PCDH9: variants seen among roughly 807,000 people sequenced by gnomAD.
The protein encoded by PCDH9 is protocadherin 9.
A neutral mutation model predicts 70.6 loss-of-function variants in PCDH9; 24 were observed. That is an observed-to-expected ratio of 0.34 (90% confidence interval 0.25 to 0.48). PCDH9 has a LOEUF of 0.48. Ranked by LOEUF, PCDH9 falls within the 20% of genes least tolerant of loss-of-function variation. PCDH9 has a pLI of 0.99. For synonymous variants in PCDH9, 562 were observed against 558.5 expected (o/e 1.01, Z -0.09); for missense variants, 1,281 against 1,503.6 (o/e 0.85, Z 2.45).
intron 4 of PCDH9, among the ~76,000 whole-genome samples, chr13:66,500,835 C>A (rs984895758): frequency 6.6e-5 from 10 of 151,922 alleles, no homozygotes; most frequent in African/African-American, 2.2e-4. Flanking sequence ...ATTATAATGC[C>A]ATCATTTCCA....
At chr13:66,367,793 C>T (rs571769480) in intron 4 of PCDH9, among the ~76,000 whole-genome samples, 1 of 151,916 alleles carries the variant, frequency 6.6e-6, no homozygotes, top group South Asian at 2.1e-4. Context: ...TAGGGAAAGC[C>T]ATTGAAATAT....
Position 66,995,774 on chromosome 13 carries a change from C to T in PCDH9, c.3037-92169G>A, listed in dbSNP as rs552359660. 1.5e-4 allele frequency among the ~76,000 whole-genome samples: 23 copies of T among 152,230 alleles called. No individual in the cohort carries two copies. In the South Asian group the frequency reaches 1.9e-3, roughly 12 times the overall value. ...AAAAATTATGTATATCAAATATACT[C>T]GAGCAGTTCAGAGAGAACATATCAT... On this transcript the variant is annotated intron_variant, in intron 2 of 4. Transcript: ENST00000377865.
intron 4 of PCDH9, among the ~76,000 whole-genome samples, chr13:66,568,815 AAG>A (rs777170904): frequency 2.9e-4 from 44 of 151,964 alleles, no homozygotes; most frequent in Non-Finnish European, 4.0e-4. Flanking sequence ...TCAAAGAAAA[AAG>A]AGATATAATT....
intron 2 of PCDH9, among the ~76,000 whole-genome samples, chr13:67,165,668 G>T (rs1480915701): frequency 6.6e-6 from 1 of 152,034 alleles, no homozygotes; most frequent in Non-Finnish European, 1.5e-5. Context: ...ATTGCTAACA[G>T]TTCTTTATGA....
chr13:66,457,216 T>C (rs1006352374), intron 4 of PCDH9, among the ~76,000 whole-genome samples: 3 of 152,116 alleles, frequency 2.0e-5, no homozygotes, highest in Non-Finnish European at 4.4e-5. Context: ...GGCATACTCA[T>C]TATGGCATAT....
At chr13:66,894,646 A>G (rs1367258213) in intron 3 of PCDH9, among the ~76,000 whole-genome samples, 1 of 152,172 alleles carries the variant, frequency 6.6e-6, no homozygotes, top group Non-Finnish European at 1.5e-5. Context: ...TGTTATTATT[A>G]CATGTGACCA....
intron 4 of PCDH9, among the ~76,000 whole-genome samples, chr13:66,516,220 T>C (rs1002612684): frequency 6.6e-6 from 1 of 152,022 alleles, no homozygotes; most frequent in Non-Finnish European, 1.5e-5. Context: ...ACTGAATGCA[T>C]ATGATATCCA....
At chr13:66,326,488 G>A (rs148771483) in intron 4 of PCDH9, among the ~76,000 whole-genome samples, 1,992 of 151,172 alleles carry the variant, frequency 0.013, 44 homozygotes, top group African/African-American at 0.046. Flanking sequence ...GCGCGATCTC[G>A]GCTCACTGCA....
At chr13:67,196,704 C>A (rs1410469412) in intron 2 of PCDH9, among the ~76,000 whole-genome samples, 1 of 151,942 alleles carries the variant, frequency 6.6e-6, no homozygotes, top group East Asian at 1.9e-4. Context: ...CCTTTAAATG[C>A]ATATTTTTGT....
intron 4 of PCDH9, among the ~76,000 whole-genome samples, chr13:66,446,786 A>C (rs1958100027): frequency 6.6e-6 from 1 of 152,076 alleles, no homozygotes; most frequent in Non-Finnish European, 1.5e-5. Context: ...GAAGCTGTAG[A>C]CTGTAAAAAA....
rs1474480064 is a variant in PCDH9, at chr13:66,601,011, T to C, written c.3340+30199A>G. 3.4e-5 allele frequency among the ~76,000 whole-genome samples: 5 copies of C among 145,072 alleles called. 1 individual carries two copies. In the Admixed American group the frequency reaches 3.5e-4, roughly 10 times the overall value. On this transcript the variant is annotated intron_variant, in intron 4 of 4. Transcript: ENST00000377865. The stretch of plus-strand genomic sequence containing the variant: ...CCATTGGTTTTCATAAATAAATATT[T>C]CCCAGGGGCACACCTGGGATTCATT...
rs1372947270 is a variant in PCDH9 at position 67,229,905 on chromosome 13, C to T, written c.-261G>A. The T allele has an allele frequency of 2.6e-5, 4 of 152,196 alleles. No individual in the cohort carries two copies. Among genetic ancestry groups the T allele is most frequent in the Non-Finnish European group, 5.9e-5 (4 of 68,044 alleles). 9.4% of individuals were successfully genotyped at this position (152,196 alleles called of 1,614,324 possible). A position where few individuals can be genotyped will look rare whatever the true frequency, so the allele number is the denominator to read the frequency against. Reference sequence around the variant, plus strand: ...AGAAATCAGAAGCAGCAAAATGTTTCCTCCTTGTAAAATGTGTTGCTTCGG... The same window carrying T: ...AGAAATCAGAAGCAGCAAAATGTTTTCTCCTTGTAAAATGTGTTGCTTCGG... On this transcript the variant is annotated 5_prime_UTR_variant, in exon 1 of 5. Transcript: ENST00000377865.
intron 4 of PCDH9, among the ~76,000 whole-genome samples, chr13:66,605,410 C>G (rs898409883): frequency 1.3e-5 from 2 of 151,988 alleles, no homozygotes; most frequent in African/African-American, 4.8e-5. Context: ...TTTCAAATAA[C>G]CAAGGTTAAC....
At chr13:67,072,906 A>G (rs1014417312) in intron 2 of PCDH9, among the ~76,000 whole-genome samples, 27 of 152,316 alleles carry the variant, frequency 1.8e-4, no homozygotes, top group Admixed American at 1.2e-3. Context: ...ATACAAGATG[A>G]TTCTCAAAGG....
intron 4 of PCDH9, among the ~76,000 whole-genome samples, chr13:66,536,693 TGAATG>T (rs1223327424): frequency 6.6e-6 from 1 of 152,040 alleles, no homozygotes; most frequent in Non-Finnish European, 1.5e-5. Context: ...GAAAATTGGA[TGAATG>T]GAATATTTTG....
intron 3 of PCDH9, among the ~76,000 whole-genome samples, chr13:66,686,861 T>A (rs2078410923): frequency 6.6e-6 from 1 of 152,102 alleles, no homozygotes; most frequent in African/African-American, 2.4e-5. Context: ...TTAGAAAAAT[T>A]CTCAAAAATA....
At chr13:66,543,838 A>G (rs763176993) in intron 4 of PCDH9, among the ~76,000 whole-genome samples, 2 of 152,206 alleles carry the variant, frequency 1.3e-5, no homozygotes, top group Admixed American at 6.5e-5. Flanking sequence ...AGCAGAGATC[A>G]TGGAGACTGA....
rs200976412 is a variant in PCDH9 at position 66,423,810 on chromosome 13, A to T, written c.3341-118782T>A. ...TCTCACCACTCCTATTCAACATAGC[A>T]TTGGAAGTTCTGGCCAGGGCAATCA... On this transcript the variant is annotated intron_variant, in intron 4 of 4. Transcript: ENST00000377865. Among the ~76,000 whole-genome samples, 6 of 152,078 alleles carry T rather than the reference A, an allele frequency of 3.9e-5. No homozygotes were observed. In the East Asian group the frequency reaches 1.2e-3, roughly 29 times the overall value.
At chr13:66,914,751 T>C (rs1322182829) in intron 2 of PCDH9, among the ~76,000 whole-genome samples, 2 of 151,818 alleles carry the variant, frequency 1.3e-5, no homozygotes, top group African/African-American at 4.8e-5. Context: ...AGAAATAATT[T>C]TGTCTTCAAA....
Sources: allele counts gnomAD v4.1 joint callset (sites outside exome capture counted in the v4.1 genomes callset), GRCh38; gene constraint gnomAD v4.1.1; transcripts MANE v1.5; gene names NCBI Gene and HGNC (gene_info 2026-07-23, HGNC 2026-07-21).